CNTLN: variants seen among roughly 807,000 people sequenced by gnomAD.
CNTLN encodes the protein centlein, centrosomal protein.
Under a neutral mutation model 180.0 loss-of-function variants are expected in CNTLN, and 212 were observed. The observed-to-expected ratio is 1.18, with a 90% CI of 1.05 to 1.32. The LOEUF is 1.32. Among genes scored for constraint, CNTLN ranks in the 40% most tolerant of loss-of-function variants. The pLI, the probability that CNTLN is intolerant of heterozygous loss-of-function variation, is 0.00. For synonymous variants in CNTLN, 722 were observed against 563.1 expected, an observed-to-expected ratio of 1.28 and a Z score of -3.99; for missense variants, 2,095 against 1,610.9, an observed-to-expected ratio of 1.30 and a Z score of -5.14.
At chr9:17,178,646 C>T (rs546872353) in intron 2 of CNTLN, among the ~76,000 whole-genome samples, 28 of 152,212 alleles carry the variant, frequency 1.8e-4, no homozygotes, top group Admixed American at 1.6e-3. Context: ...CCCCTCACTG[C>T]CCGGGGCCTG....
intron 5 of CNTLN, among the ~76,000 whole-genome samples, chr9:17,245,272 A>G (rs1026271334): frequency 2.6e-5 from 4 of 151,912 alleles, no homozygotes; most frequent in East Asian, 1.9e-4. Context: ...TTGTCTGGGA[A>G]AGTCTTTTGT....
chr9:17,472,026 C>A (rs895397858), intron 23 of CNTLN, among the ~76,000 whole-genome samples: 11 of 152,084 alleles, frequency 7.2e-5, no homozygotes, highest in Admixed American at 4.6e-4. Flanking sequence ...GAAAGATACA[C>A]TTTGGATGGG....
chr9:17,197,603 A>T (rs1335820023), intron 2 of CNTLN, among the ~76,000 whole-genome samples: 1 of 152,060 alleles, frequency 6.6e-6, no homozygotes, highest in African/African-American at 2.4e-5. Context: ...TTTCCTATAC[A>T]GTTGTTTGAG....
At position 17,273,797 on chromosome 9, in the gene CNTLN, C is replaced by T. The variant is rs775974862; in HGVS notation, c.914C>T (p.Ala305Val). 15 of 1,572,752 alleles carry T rather than the reference C, an allele frequency of 9.5e-6. No homozygotes were observed. The highest frequency in any genetic ancestry group is 5.9e-5 in the South Asian group (5 of 84,454). The change falls in exon 6 of 26, where the codon GCT becomes GTT. Residue 305 changes from alanine to valine, a missense_variant. Ala to Val is a moderately conservative substitution (Grantham distance 64). Coordinates refer to ENST00000380647, the MANE Select transcript of CNTLN (RefSeq NM_017738.4). Reference protein sequence around the residue: ...EVEVSQSKYNALSLQLSNKQT... With the variant: ...EVEVSQSKYNVLSLQLSNKQT... Reference sequence around the variant, plus strand: ...GAAGTATCACAGAGTAAATACAATGCTCTATCATTACAGTTGAGTAATAAA... The same window carrying T: ...GAAGTATCACAGAGTAAATACAATGTTCTATCATTACAGTTGAGTAATAAA...
At chr9:17,172,117 G>C (rs1820458950) in intron 2 of CNTLN, among the ~76,000 whole-genome samples, 1 of 152,070 alleles carries the variant, frequency 6.6e-6, no homozygotes, top group Non-Finnish European at 1.5e-5. Context: ...GCGGGTGGCA[G>C]CTTCTTCTAG....
At chr9:17,499,491 A>G (rs1287233452) in intron 25 of CNTLN, among the ~76,000 whole-genome samples, 1 of 152,208 alleles carries the variant, frequency 6.6e-6, no homozygotes, top group African/African-American at 2.4e-5. Flanking sequence ...AATGAATAGT[A>G]TAAACTTGGT....
At chr9:17,291,190 G>A (rs1303091196) in intron 6 of CNTLN, among the ~76,000 whole-genome samples, 1 of 152,100 alleles carries the variant, frequency 6.6e-6, no homozygotes, top group Non-Finnish European at 1.5e-5. Flanking sequence ...CAGTTCTTTT[G>A]TATTTGCTGA....
the CNTLN span, among the ~76,000 whole-genome samples, chr9:17,526,856 T>A: frequency 1.3e-5 from 2 of 152,262 alleles, no homozygotes; most frequent in East Asian, 3.9e-4. Context: ...CTCTCTTTTT[T>A]TTTTGAGGCG....
chr9:17,340,048 T>C (rs907896814), intron 10 of CNTLN, among the ~76,000 whole-genome samples: 1 of 152,106 alleles, frequency 6.6e-6, no homozygotes, highest in African/African-American at 2.4e-5. Flanking sequence ...TCCTAGCTAC[T>C]TGGGAGGCTG....
intron 12 of CNTLN, among the ~76,000 whole-genome samples, chr9:17,366,262 A>G (rs942520168): frequency 6.6e-6 from 1 of 151,778 alleles, no homozygotes; most frequent in Non-Finnish European, 1.5e-5. Context: ...AGTAGCTAGG[A>G]CTACAGGTGC....
chr9:17,139,413 T>C (rs1317969529), intron 1 of CNTLN, among the ~76,000 whole-genome samples: 1 of 151,644 alleles, frequency 6.6e-6, no homozygotes, highest in Non-Finnish European at 1.5e-5. Context: ...ATAATGACAG[T>C]AGTTTGGGAG....
chr9:17,217,283 T>A (rs916443128), intron 2 of CNTLN, among the ~76,000 whole-genome samples: 1 of 152,206 alleles, frequency 6.6e-6, no homozygotes, highest in African/African-American at 2.4e-5. Flanking sequence ...TCACCTTTAT[T>A]TGTTGAGAGT....
intron 23 of CNTLN, among the ~76,000 whole-genome samples, chr9:17,481,692 C>G (rs1304950368): frequency 6.6e-6 from 1 of 152,208 alleles, no homozygotes; most frequent in Admixed American, 6.5e-5. Flanking sequence ...TACCTGCAGC[C>G]CAACTGCAAA....
At chr9:17,270,220 T>C (rs1312937211) in intron 5 of CNTLN, among the ~76,000 whole-genome samples, 1 of 152,124 alleles carries the variant, frequency 6.6e-6, no homozygotes, top group South Asian at 2.1e-4. Flanking sequence ...TAATGAACAT[T>C]TCACCATTAA....
At chr9:17,276,004 A>C (rs985501557) in intron 6 of CNTLN, among the ~76,000 whole-genome samples, 6 of 152,102 alleles carry the variant, frequency 3.9e-5, no homozygotes, top group Non-Finnish European at 5.9e-5. Context: ...GTGAGGGTGC[A>C]TGGGTGGAAA....
At chr9:17,180,669 T>A (rs569022202) in intron 2 of CNTLN, among the ~76,000 whole-genome samples, 1 of 152,192 alleles carries the variant, frequency 6.6e-6, no homozygotes, top group East Asian at 1.9e-4. Flanking sequence ...ATCCCTCCAT[T>A]TAAAATTTCT....
At chr9:17,333,499 A>C (rs757152804) in intron 10 of CNTLN, among the ~76,000 whole-genome samples, 12 of 152,158 alleles carry the variant, frequency 7.9e-5, no homozygotes, top group Non-Finnish European at 1.8e-4. Flanking sequence ...ACACATGATT[A>C]GAATGCAGTA....
intron 18 of CNTLN, among the ~76,000 whole-genome samples, chr9:17,454,108 C>T (rs1172932019): frequency 6.6e-6 from 1 of 152,106 alleles, no homozygotes; most frequent in African/African-American, 2.4e-5. Flanking sequence ...ATTGTGTCTA[C>T]CACAGGATAT....
intron 21 of CNTLN, among the ~76,000 whole-genome samples, chr9:17,465,196 A>G (rs756601516): frequency 1.3e-4 from 19 of 149,020 alleles, no homozygotes; most frequent in Middle Eastern, 6.9e-3. Context: ...ACTAAATGTT[A>G]TCCACACCTG....
Sources: gnomAD v4.1 joint callset for allele counts (sites outside exome capture counted in the v4.1 genomes callset) on GRCh38, gnomAD v4.1.1 for gene constraint, MANE v1.5 for transcripts, NCBI Gene and HGNC (gene_info 2026-07-23, HGNC 2026-07-21) for gene names.